FAM3B: variants seen among roughly 807,000 people sequenced by gnomAD.
FAM3B encodes protein FAM3B.
Under a neutral mutation model 28.4 loss-of-function variants are expected in FAM3B, and 29 were observed. The observed-to-expected ratio is 1.02, with a 90% CI of 0.76 to 1.39. The LOEUF is 1.39. Ranked by LOEUF, FAM3B falls within the 40% of genes most tolerant of loss-of-function variation. The pLI is 0.00. For synonymous variants in FAM3B, 91 were observed against 103.0 expected, an observed-to-expected ratio of 0.88 and a Z score of 0.71; for missense variants, 266 against 293.9, an observed-to-expected ratio of 0.91 and a Z score of 0.69.
chr21:41,336,727 C>G (rs1461578232), intron 2 of FAM3B, among the ~76,000 whole-genome samples: 2 of 152,170 alleles, frequency 1.3e-5, no homozygotes, highest in Non-Finnish European at 2.9e-5. Context: ...CTTCAGATCT[C>G]TTAATTTTTG....
At chr21:41,347,982 T>A (rs192982918) in intron 6 of FAM3B, among the ~76,000 whole-genome samples, 8 of 152,268 alleles carry the variant, frequency 5.3e-5, no homozygotes, top group African/African-American at 1.7e-4. Flanking sequence ...CAGATTCCTT[T>A]TTTCATGGAG....
chr21:41,318,606 G>C (rs1456794770), intron 1 of FAM3B, among the ~76,000 whole-genome samples: 3 of 152,210 alleles, frequency 2.0e-5, no homozygotes, highest in African/African-American at 7.2e-5. Context: ...CCAAAATACT[G>C]ACCATCCACC....
intron 1 of FAM3B, chr21:41,320,787 G>A (rs1362295980): frequency 1.3e-5 from 2 of 152,196 alleles, no homozygotes; most frequent in East Asian, 3.8e-4. Context: ...CTTCCTGGGA[G>A]TCCTGAAAAG....
At chr21:41,332,445 G>A (rs1160887424) in intron 2 of FAM3B, among the ~76,000 whole-genome samples, 1 of 152,052 alleles carries the variant, frequency 6.6e-6, no homozygotes, top group Non-Finnish European at 1.5e-5. Context: ...TGAGGAATTT[G>A]GCATCTACGT....
In FAM3B at chr21:41,348,824, A is replaced by G. The variant is rs970384100; in HGVS notation, c.618+100A>G. On this transcript the variant is annotated intron_variant, in intron 7 of 7. Transcript: ENST00000357985. ...GGGTTATAACTCCGTCTCCAAACAT[A>G]AGAGTTGTGTCAGCTGTTTCCATGA... 20 of 1,320,448 alleles carry G rather than the reference A, an allele frequency of 1.5e-5. No individual in the cohort carries two copies. In the African/African-American group the frequency reaches 2.8e-4, roughly 18 times the overall value. 81.8% of individuals were successfully genotyped at this position (1,320,448 alleles called of 1,614,324 possible). A position where few individuals can be genotyped will look rare whatever the true frequency, so the allele number is the denominator to read the frequency against.
At chr21:41,340,314 C>A (rs1307582465) in intron 3 of FAM3B, among the ~76,000 whole-genome samples, 1 of 152,070 alleles carries the variant, frequency 6.6e-6, no homozygotes, top group Non-Finnish European at 1.5e-5. Flanking sequence ...CCACCATGCC[C>A]AGCTAATTTT....
intron 3 of FAM3B, among the ~76,000 whole-genome samples, chr21:41,341,710 T>G (rs2089008703): frequency 6.6e-6 from 1 of 152,250 alleles, no homozygotes; most frequent in Admixed American, 6.5e-5. Flanking sequence ...CATGAATATG[T>G]TACAGTTATC....
intron 3 of FAM3B, among the ~76,000 whole-genome samples, chr21:41,339,295 A>G (rs906228507): frequency 5.3e-5 from 8 of 151,690 alleles, no homozygotes; most frequent in Admixed American, 5.3e-4. Context: ...TTATTTTTTT[A>G]TTATTTATTT....
intron 3 of FAM3B, among the ~76,000 whole-genome samples, chr21:41,341,300 C>G (rs914374281): frequency 6.6e-6 from 1 of 152,200 alleles, no homozygotes; most frequent in African/African-American, 2.4e-5. Flanking sequence ...ACCAGTAATG[C>G]TGCAATAAAT....
intron 3 of FAM3B, among the ~76,000 whole-genome samples, chr21:41,343,909 A>G (rs1235894540): frequency 6.6e-6 from 1 of 152,202 alleles, no homozygotes; most frequent in Non-Finnish European, 1.5e-5. Context: ...CTGGAGCCCA[A>G]GAGTTCAAGA....
intron 7 of FAM3B, among the ~76,000 whole-genome samples, chr21:41,350,325 T>C (rs2089105679): frequency 6.6e-6 from 1 of 152,158 alleles, no homozygotes; most frequent in African/African-American, 2.4e-5. Flanking sequence ...CAGGCTGTCG[T>C]CTTGAGAATG....
chr21:41,353,417 G>T (rs2089138659), intron 7 of FAM3B, among the ~76,000 whole-genome samples: 1 of 152,198 alleles, frequency 6.6e-6, no homozygotes, highest in South Asian at 2.1e-4. Flanking sequence ...ACACAAAGCT[G>T]CTGTGATTGA....
chr21:41,319,129 T>C (rs1281388744), intron 1 of FAM3B, among the ~76,000 whole-genome samples: 2 of 152,146 alleles, frequency 1.3e-5, no homozygotes, highest in African/African-American at 2.4e-5. Flanking sequence ...TGGCCTCAAG[T>C]TGAACTCCCG....
chr21:41,310,925 T>A (rs946828412), intron 1 of FAM3B, among the ~76,000 whole-genome samples: 10 of 152,222 alleles, frequency 6.6e-5, no homozygotes, highest in Middle Eastern at 3.4e-3. Context: ...CGTATTTTTT[T>A]AAAAATCTGA....
chr21:41,329,048 G>A (rs541535907), intron 2 of FAM3B, among the ~76,000 whole-genome samples: 47 of 152,120 alleles, frequency 3.1e-4, no homozygotes, highest in Admixed American at 9.2e-4. Context: ...GTTGATATAC[G>A]TATACGTTGT....
intron 1 of FAM3B, 76 bp from the exon 2 acceptor site, chr21:41,322,847 A>AG (rs1443925521): frequency 6.2e-7 from 1 of 1,611,324 alleles, no homozygotes; most frequent in Non-Finnish European, 8.5e-7. Context: ...GAAAAGCCAC[A>AG]GGGGGGATGG....
intron 7 of FAM3B, among the ~76,000 whole-genome samples, chr21:41,356,274 G>A (rs922870831): frequency 2.0e-5 from 3 of 152,188 alleles, no homozygotes; most frequent in South Asian, 2.1e-4. Flanking sequence ...TAAAAGCATC[G>A]TATTTGAAAA....
At chr21:41,339,592 A>T (rs11701113) in intron 3 of FAM3B, among the ~76,000 whole-genome samples, 15,981 of 152,268 alleles carry the variant, frequency 0.1, 1,011 homozygotes, top group Non-Finnish European at 0.14. Context: ...CTTCGATTTT[A>T]CATTTTAACT....
At chr21:41,356,276 A>G (rs2089166910) in intron 7 of FAM3B, among the ~76,000 whole-genome samples, 1 of 152,238 alleles carries the variant, frequency 6.6e-6, no homozygotes, top group East Asian at 1.9e-4. Flanking sequence ...AAAGCATCGT[A>G]TTTGAAAATA....
Sources: gnomAD v4.1 joint callset for allele counts (sites outside exome capture counted in the v4.1 genomes callset) on GRCh38, gnomAD v4.1.1 for gene constraint, MANE v1.5 for transcripts, NCBI Gene and HGNC (gene_info 2026-07-23, HGNC 2026-07-21) for gene names.